Variants in CARMIL1 observed in about 807,000 individuals in gnomAD.
CARMIL1 encodes F-actin-uncapping protein LRRC16A.
CARMIL1 carries 90 observed loss-of-function variants against 177.1 expected under a neutral mutation model. The ratio of observed to expected loss-of-function variants is 0.51; its 90% CI spans 0.43 to 0.61. The LOEUF is 0.61. Ranked by LOEUF, CARMIL1 falls within the 20% of genes least tolerant of loss-of-function variation. The pLI is 0.00. For synonymous variants in CARMIL1, 577 were observed against 606.2 expected (o/e 0.95, Z 0.71); for missense variants, 1,380 against 1,667.0 (o/e 0.83, Z 3.00).
At chr6:25,416,209 T>C (rs1452032565) in intron 2 of CARMIL1, among the ~76,000 whole-genome samples, 2 of 152,216 alleles carry the variant, frequency 1.3e-5, no homozygotes, top group African/African-American at 4.8e-5. Context: ...CTGGTCATTT[T>C]ACGTGTTTGC....
chr6:25,484,414 T>G (rs1802428283), intron 12 of CARMIL1, among the ~76,000 whole-genome samples: 1 of 152,218 alleles, frequency 6.6e-6, no homozygotes, highest in Non-Finnish European at 1.5e-5. Context: ...AGTCCCATGA[T>G]TTTATGTGCA....
intron 2 of CARMIL1, among the ~76,000 whole-genome samples, chr6:25,294,197 A>C (rs1475303290): frequency 6.6e-6 from 1 of 152,160 alleles, no homozygotes; most frequent in Non-Finnish European, 1.5e-5. Context: ...AGGGTTTGAG[A>C]CAGATGTGCT....
chr6:25,468,348 CT>C (rs1800811668), intron 9 of CARMIL1, among the ~76,000 whole-genome samples: 1 of 151,750 alleles, frequency 6.6e-6, no homozygotes, highest in East Asian at 1.9e-4. Flanking sequence ...TTTTTTTAGT[CT>C]TTAGGGAATG....
chr6:25,429,721 A>G (rs1015966816), intron 4 of CARMIL1, among the ~76,000 whole-genome samples: 1 of 151,800 alleles, frequency 6.6e-6, no homozygotes, highest in African/African-American at 2.4e-5. Context: ...CTGTCTGTTG[A>G]GATTATTGTG....
intron 2 of CARMIL1, among the ~76,000 whole-genome samples, chr6:25,380,486 C>T (rs1045083499): frequency 2.0e-4 from 30 of 151,818 alleles, no homozygotes; most frequent in African/African-American, 6.1e-4. Flanking sequence ...TGACCCTTGC[C>T]GTCAAGGAAA....
At chr6:25,458,358 C>T (rs1799716900) in intron 8 of CARMIL1, among the ~76,000 whole-genome samples, 2 of 151,834 alleles carry the variant, frequency 1.3e-5, no homozygotes, top group Non-Finnish European at 2.9e-5. Context: ...CGTGGTGGCA[C>T]GTCGCCTGTA....
intron 15 of CARMIL1, 31 bp from the exon 16 acceptor site, chr6:25,495,080 A>C (rs1803571063): frequency 3.5e-5 from 45 of 1,289,450 alleles, no homozygotes; most frequent in Non-Finnish European, 4.6e-5. Context: ...TGAAGGTGTA[A>C]CCGCTTGTGT....
intron 17 of CARMIL1, among the ~76,000 whole-genome samples, chr6:25,503,848 C>A (rs773435104): frequency 6.6e-6 from 1 of 152,028 alleles, no homozygotes; most frequent in Non-Finnish European, 1.5e-5. Context: ...AGCTGGCAGA[C>A]CTAGGATGAG....
chr6:25,488,757 G>A (rs183556752), intron 13 of CARMIL1, among the ~76,000 whole-genome samples, 172 bp downstream of exon 13: 39 of 152,170 alleles, frequency 2.6e-4, no homozygotes, highest in African/African-American at 7.2e-4. Flanking sequence ...CAGAGCATTC[G>A]TTAATTAAAT....
In CARMIL1 at chr6:25,577,778, C is replaced by G. The variant is rs1312407709; in HGVS notation, c.2743-3146C>G. 6.6e-6 allele frequency among the ~76,000 whole-genome samples: 1 copy of G among 151,968 alleles called. No individual in the cohort carries two copies. Among genetic ancestry groups the G allele is most frequent in the Non-Finnish European group, 1.5e-5 (1 of 67,992 alleles). ...TTTAAAATTCATTAAAAAATTTGAT[C>G]AAATGAGTACAATTTCAGAGTAATG... is the stretch of plus-strand genomic sequence containing the variant. On this transcript the variant is annotated intron_variant, in intron 29 of 36. Coordinates refer to ENST00000329474, the MANE Select transcript of CARMIL1 (RefSeq NM_017640.6). The surrounding 1 kb of genome is among the most constrained non-coding windows in gnomAD (Gnocchi z 4.5).
chr6:25,345,521 C>T (rs183528097), intron 2 of CARMIL1, among the ~76,000 whole-genome samples: 213 of 152,278 alleles, frequency 1.4e-3, no homozygotes, highest in Admixed American at 2.6e-3. Context: ...ATAACATGCC[C>T]AATCTCCAAT....
rs1173036687 is a variant in CARMIL1 at position 25,581,391 on chromosome 6, C to T, written c.2958C>T (p.Thr986=). 6.8e-6 allele frequency: 11 copies of T among 1,613,294 alleles called. No individual in the cohort carries two copies. Among genetic ancestry groups the T allele is most frequent in the Non-Finnish European group, 9.3e-6 (11 of 1,179,670 alleles). Residue 986 remains threonine (T), a synonymous_variant, in exon 31 of 37, where the codon ACC becomes ACT. Transcript: ENST00000329474. ...SEEGKKLEHF[T]KLRPKRNKKQ... ...AGGGGAAGAAGCTGGAACACTTTACCAAGTTAAGGCCAAAAAGGAATAAGA... is the reference window on the plus strand; with the variant it reads ...AGGGGAAGAAGCTGGAACACTTTACTAAGTTAAGGCCAAAAAGGAATAAGA...
chr6:25,327,991 G>T (rs1305834211), intron 2 of CARMIL1, among the ~76,000 whole-genome samples: 1 of 152,192 alleles, frequency 6.6e-6, no homozygotes, highest in Non-Finnish European at 1.5e-5. Flanking sequence ...GGAGAGGAAT[G>T]AATATTTGGC....
intron 17 of CARMIL1, among the ~76,000 whole-genome samples, chr6:25,500,698 G>A (rs368988859): frequency 3.6e-4 from 54 of 152,030 alleles, no homozygotes; most frequent in Middle Eastern, 3.4e-3. Flanking sequence ...AGAAAGTATA[G>A]CAATTTCAAA....
In CARMIL1 at chr6:25,509,360, A is replaced by C. The variant is rs1203642824; in HGVS notation, c.1396-296A>C. On this transcript the variant is annotated intron_variant, in intron 17 of 36. Transcript: ENST00000329474. This position sits in a 1 kb window ranked among gnomAD's most constrained non-coding sequence, Gnocchi z 4.1. ...GAAATGAAGAAATTCTTCTGGGTTG[A>C]TAATGCACTGCTTTGCTACTATAGT... Among the ~76,000 whole-genome samples, 2 of 152,190 alleles carry C rather than the reference A, an allele frequency of 1.3e-5. No homozygotes were observed. The highest frequency in any genetic ancestry group is 3.8e-4 in the East Asian group (2 of 5,200).
intron 2 of CARMIL1, among the ~76,000 whole-genome samples, chr6:25,288,817 C>A (rs1781722825): frequency 6.6e-6 from 1 of 152,158 alleles, no homozygotes; most frequent in South Asian, 2.1e-4. Context: ...TCTAAAATTC[C>A]TAAGGTATGC....
At chr6:25,283,928 G>A (rs2150125891) in intron 1 of CARMIL1, among the ~76,000 whole-genome samples, 1 of 152,124 alleles carries the variant, frequency 6.6e-6, no homozygotes, top group Non-Finnish European at 1.5e-5. Flanking sequence ...ATGTTGGCCA[G>A]GCTGGTCTTG....
At position 25,600,695 on chromosome 6, in the gene CARMIL1, G is replaced by C; in HGVS notation, c.3501G>C (p.Leu1167=). 1 of 1,587,536 alleles carries C rather than the reference G, an allele frequency of 6.3e-7. No individual in the cohort carries two copies. Among genetic ancestry groups the C allele is most frequent in the African/African-American group, 1.4e-5 (1 of 73,894 alleles). Residue 1167 remains leucine, a synonymous_variant, in exon 33 of 37, where the codon CTG becomes CTC. Transcript: ENST00000329474. ...RYGVQVMGSG[L]LAEMKAKQEK... ...GGGTCCAGGTGATGGGCAGTGGTCTGCTGGCAGAGATGAAAGCCAAGCAAG... is the reference window on the plus strand; with the variant it reads ...GGGTCCAGGTGATGGGCAGTGGTCTCCTGGCAGAGATGAAAGCCAAGCAAG...
intron 2 of CARMIL1, among the ~76,000 whole-genome samples, chr6:25,327,925 C>A (rs9295655): frequency 6.6e-5 from 10 of 151,960 alleles, no homozygotes; most frequent in Non-Finnish European, 1.5e-4. Context: ...CTACTTTTAG[C>A]GTTTTGGGTC....
Sources: allele counts gnomAD v4.1 joint callset (sites outside exome capture counted in the v4.1 genomes callset), GRCh38; gene constraint gnomAD v4.1.1; non-coding constraint Gnocchi (gnomAD v3.1); transcripts MANE v1.5; gene names NCBI Gene and HGNC (gene_info 2026-07-23, HGNC 2026-07-21).